Variants in CDK12 observed in about 807,000 individuals in gnomAD.
CDK12 encodes cyclin dependent kinase 12.
In CDK12, 17 loss-of-function variants were observed where a neutral mutation model predicts 133.8. That is an observed-to-expected ratio of 0.13 (90% CI 0.09 to 0.19). The LOEUF is 0.19. CDK12 is among the 10% of genes least tolerant of loss of function. The pLI, the probability that CDK12 is intolerant of heterozygous loss-of-function variation, is 1.00. For synonymous variants in CDK12, 694 were observed against 683.6 expected, an observed-to-expected ratio of 1.02 and a Z score of -0.24; for missense variants, 1,508 against 1,818.7, an observed-to-expected ratio of 0.83 and a Z score of 3.11.
At chr17:39,565,681 G>A (rs888289946), downstream of CDK12, among the ~76,000 whole-genome samples, 2 of 150,440 alleles carry the variant, frequency 1.3e-5, no homozygotes, top group Non-Finnish European at 3.0e-5. Context: ...TGATCCACCC[G>A]CCTCAGCCTC....
In CDK12 at chr17:39,530,644, T is replaced by C. The variant is rs745993172; in HGVS notation, c.3801T>C (p.Pro1267=). The C allele has an allele frequency of 1.0e-5, 16 of 1,607,074 alleles. No individual in the cohort carries two copies. Among genetic ancestry groups the C allele is most frequent in the Non-Finnish European group, 1.3e-5 (15 of 1,175,430 alleles). Residue 1267 remains proline (P), a synonymous_variant, in exon 14 of 14, where the codon CCT becomes CCC. Coordinates refer to ENST00000447079, the MANE Select transcript of CDK12 (RefSeq NM_016507.4). ...TTCTTCCACCAGAGAAGAGGCCCCC[T>C]GAGCCCCCCGGACCTCCACCGCCGC... ...PHILPPEKRP[P]EPPGPPPPPP...
intron 2 of CDK12, among the ~76,000 whole-genome samples, chr17:39,486,641 A>G (rs558104910): frequency 1.3e-5 from 2 of 152,140 alleles, no homozygotes; most frequent in African/African-American, 4.8e-5. Flanking sequence ...GAGATTTGTA[A>G]AGAATATTCC....
In CDK12 at chr17:39,471,594, A is replaced by T; in HGVS notation, c.1762A>T (p.Thr588Ser). 1.2e-6 allele frequency: 2 copies of T among 1,613,954 alleles called. No homozygotes were observed. The highest frequency in any genetic ancestry group is 2.7e-5 in the African/African-American group (2 of 74,956). ...CAGTACTTCAACTTTGCCCCCTTCT[A>T]CTCACTCAAAGACATCTGCTGTGTC... ...ASSTSTLPPS[T>S]HSKTSAVSSQ... The change falls in exon 2 of 14, where the codon ACT (threonine) becomes TCT (serine). Residue 588 changes from threonine (T) to serine (S), a missense_variant. Coordinates refer to ENST00000447079, the MANE Select transcript of CDK12 (RefSeq NM_016507.4).
chr17:39,482,599 ATTTTTTTTTT>A (rs71147345), intron 2 of CDK12, among the ~76,000 whole-genome samples: 1 of 74,392 alleles, frequency 1.3e-5, no homozygotes, highest in African/African-American at 4.3e-5. Flanking sequence ...AATCAACTAC[ATTTTTTTTTT>A]TTTTTTTTTT....
chr17:39,501,164 T>A (rs998361883), intron 5 of CDK12, 86 bp from the exon 6 acceptor site: 2 of 980,794 alleles, frequency 2.0e-6, no homozygotes, highest in African/African-American at 3.3e-5. Context: ...TGTGGTCAAC[T>A]CCAAAATTAT....
chr17:39,555,766 G>T (rs748845407), intron 2 of CDK12, among the ~76,000 whole-genome samples: 8 of 151,090 alleles, frequency 5.3e-5, no homozygotes, highest in Non-Finnish European at 4.4e-5. Flanking sequence ...GGCCGAGATG[G>T]GTGGATCGCT....
chr17:39,519,496 G>A (rs551765946), intron 10 of CDK12, among the ~76,000 whole-genome samples: 45 of 151,206 alleles, frequency 3.0e-4, no homozygotes, highest in Admixed American at 5.9e-4. Flanking sequence ...GGCCAGGCTG[G>A]TCCTGAACTC....
intron 10 of CDK12, 23 bp from the exon 11 acceptor site, chr17:39,519,933 C>CCTT: frequency 6.2e-7 from 1 of 1,613,182 alleles, no homozygotes; most frequent in African/African-American, 1.3e-5. Flanking sequence ...GTGAACTTGT[C>CCTT]CTTTCTGTGT....
At chr17:39,469,319 A>C (rs927247996) in intron 1 of CDK12, among the ~76,000 whole-genome samples, 6 of 152,202 alleles carry the variant, frequency 3.9e-5, no homozygotes, top group Admixed American at 3.9e-4. Context: ...AGTTTCTAAA[A>C]AGTCTATTGG....
intron 5 of CDK12, 143 bp from the exon 6 acceptor site, chr17:39,501,106 GT>G (rs1237466990): frequency 3.7e-6 from 2 of 545,316 alleles, no homozygotes; most frequent in East Asian, 6.3e-5. Flanking sequence ...ACTACTCTTC[GT>G]TTCAGTTTCT....
At chr17:39,521,721 G>A (rs919454349) in intron 11 of CDK12, among the ~76,000 whole-genome samples, 3 of 151,926 alleles carry the variant, frequency 2.0e-5, no homozygotes, top group Middle Eastern at 3.4e-3. Context: ...CACCACGCCC[G>A]ACTAATTTTT....
At chr17:39,466,307 C>CA (rs370044004) in intron 1 of CDK12, among the ~76,000 whole-genome samples, 8,119 of 94,294 alleles carry the variant, frequency 0.086, 592 homozygotes, top group African/African-American at 0.22. Context: ...GACTGCGTCT[C>CA]AAAAAAAAAA....
chr17:39,484,032 C>T (rs1296761241), intron 2 of CDK12, among the ~76,000 whole-genome samples: 1 of 152,006 alleles, frequency 6.6e-6, no homozygotes, highest in Non-Finnish European at 1.5e-5. Flanking sequence ...TTAGAAGAGA[C>T]AGGGTTTCAC....
At chr17:39,486,055 C>T (rs1378166142) in intron 2 of CDK12, among the ~76,000 whole-genome samples, 1 of 150,132 alleles carries the variant, frequency 6.7e-6, no homozygotes, top group African/African-American at 2.5e-5. Context: ...TGGGTTGAAG[C>T]GATTCTCCTT....
Position 39,490,544 on chromosome 17 carries a change from A to C in CDK12, c.1932-13A>C, listed in dbSNP as rs1377951421. ...AATTGTAATTTTGTCATCTCTTCTC[A>C]TTTATTGTTTAGTCCAAAAGAAACT... On this transcript the variant is annotated splice_polypyrimidine_tract_variant and intron_variant, in intron 2 of 13. Coordinates refer to ENST00000447079, the MANE Select transcript of CDK12 (RefSeq NM_016507.4). The C allele has an allele frequency of 6.3e-7, 1 of 1,579,362 alleles. No individual in the cohort carries two copies. The highest frequency in any genetic ancestry group is 8.6e-7 in the Non-Finnish European group (1 of 1,161,160).
intron 6 of CDK12, among the ~76,000 whole-genome samples, chr17:39,504,873 C>T (rs548235551): frequency 6.3e-5 from 6 of 94,908 alleles, no homozygotes; most frequent in African/African-American, 2.6e-4. Context: ...GAACAAGACC[C>T]TGTCTCAAAA....
intron 3 of CDK12, among the ~76,000 whole-genome samples, chr17:39,559,888 A>T (rs1386186923): frequency 6.6e-6 from 1 of 152,012 alleles, no homozygotes; most frequent in East Asian, 1.9e-4. Context: ...AGAAAAAAAA[A>T]AATCCTGGGC....
intron 2 of CDK12, among the ~76,000 whole-genome samples, chr17:39,481,780 G>A (rs1313815124): frequency 6.7e-6 from 1 of 149,500 alleles, no homozygotes; most frequent in Non-Finnish European, 1.5e-5. Context: ...GACTGCGATG[G>A]CACTATCTCG....
downstream of CDK12, among the ~76,000 whole-genome samples, chr17:39,536,249 A>C (rs936428105): frequency 1.3e-5 from 2 of 152,104 alleles, no homozygotes; most frequent in Non-Finnish European, 2.9e-5. Flanking sequence ...TAGGCCTACC[A>C]TCGGTATTGA....
Sources: gnomAD v4.1 joint callset for allele counts (sites outside exome capture counted in the v4.1 genomes callset) on GRCh38, gnomAD v4.1.1 for gene constraint, MANE v1.5 for transcripts, NCBI Gene and HGNC (gene_info 2026-07-23, HGNC 2026-07-21) for gene names.